The following MACROD2 variants were observed in gnomAD, a reference collection of about 807,000 sequenced individuals.
The protein encoded by MACROD2 is mono-ADP ribosylhydrolase 2.
A neutral mutation model predicts 70.4 loss-of-function variants in MACROD2; 36 were observed. The ratio of observed to expected loss-of-function variants is 0.51; its 90% CI spans 0.39 to 0.68. The LOEUF (loss-of-function observed/expected upper bound fraction) is 0.68, where lower values mean the gene tolerates loss of function less well. MACROD2 is among the 30% of genes least tolerant of loss of function. The pLI, the probability that MACROD2 is intolerant of heterozygous loss-of-function variation, is 0.00. For missense variants in MACROD2, 496 were observed against 538.4 expected (o/e 0.92, Z 0.78); for synonymous variants, 172 against 178.8 (o/e 0.96, Z 0.30).
intron 3 of MACROD2, among the ~76,000 whole-genome samples, chr20:14,246,355 T>C (rs147489755): frequency 3.5e-4 from 54 of 152,274 alleles, no homozygotes; most frequent in African/African-American, 1.3e-3. Context: ...GAGTATTAGA[T>C]CAGGATAATA....
At chr20:14,523,258 GCAGA>G (rs1368435402) in intron 4 of MACROD2, 1 of 152,192 alleles carries the variant, frequency 6.6e-6, no homozygotes, top group Non-Finnish European at 1.5e-5. Context: ...CCAATCACCA[GCAGA>G]CAGAGGGGCC....
chr20:15,204,690 A>G (rs753781463), intron 5 of MACROD2, among the ~76,000 whole-genome samples: 19 of 152,280 alleles, frequency 1.2e-4, no homozygotes, highest in Middle Eastern at 3.4e-3. Flanking sequence ...GACTGCCAAG[A>G]CCTTTTTCGC....
Position 15,945,147 on chromosome 20 carries a change from A to G in MACROD2, c.907+7603A>G, listed in dbSNP as rs552632519. Among the ~76,000 whole-genome samples, 15 of 152,340 alleles carry G rather than the reference A, an allele frequency of 9.8e-5. No individual in the cohort carries two copies. In the South Asian group the frequency reaches 3.1e-3, roughly 32 times the overall value. ...AGCACCTACCTAAAAAATATTTAGC[A>G]TTAAAATCATTCAGTCCATTTAAAC... is the stretch of plus-strand genomic sequence containing the variant. On this transcript the variant is annotated intron_variant, in intron 12 of 17. Transcript: ENST00000684519.
intron 5 of MACROD2, among the ~76,000 whole-genome samples, chr20:14,985,767 C>A (rs949540311): frequency 1.9e-5 from 2 of 104,084 alleles, no homozygotes; most frequent in African/African-American, 7.8e-5. Flanking sequence ...TTTTATTATT[C>A]TTATTTTTAT....
intron 3 of MACROD2, among the ~76,000 whole-genome samples, chr20:14,389,044 A>T (rs2083497216): frequency 6.6e-6 from 1 of 151,538 alleles, no homozygotes; most frequent in Non-Finnish European, 1.5e-5. Context: ...TACCCAGCTA[A>T]TTTTTTTGTA....
intron 6 of MACROD2, among the ~76,000 whole-genome samples, chr20:15,244,670 T>G (rs1267442252): frequency 6.6e-6 from 1 of 152,204 alleles, no homozygotes; most frequent in Non-Finnish European, 1.5e-5. Context: ...TTCCAATAGC[T>G]TTTCTCTGCT....
intron 5 of MACROD2, among the ~76,000 whole-genome samples, chr20:14,842,009 G>A (rs2073092323): frequency 6.6e-6 from 1 of 150,820 alleles, no homozygotes; most frequent in South Asian, 2.1e-4. Flanking sequence ...AACTTACAAA[G>A]AAAAGAGGTT....
At position 15,285,494 on chromosome 20, in the gene MACROD2, C is replaced by T. The variant is rs548654462; in HGVS notation, c.540+55433C>T. ...ATCTTGGACACATGCAATTTATATT[C>T]GTATGACAGCAATGTATTTAAATTT... On this transcript the variant is annotated intron_variant, in intron 6 of 17. Coordinates refer to ENST00000684519, the MANE Select transcript of MACROD2 (RefSeq NM_001351661.2). Among the ~76,000 whole-genome samples, 12 of 152,238 alleles carry T rather than the reference C, an allele frequency of 7.9e-5. No homozygotes were observed. The East Asian group carries it at 2.3e-3, about 29-fold the overall frequency.
chr20:15,968,378 T>C (rs553837882), intron 13 of MACROD2, among the ~76,000 whole-genome samples: 3 of 152,100 alleles, frequency 2.0e-5, no homozygotes, highest in Non-Finnish European at 4.4e-5. Context: ...GAGCAATATT[T>C]TCTCAGGAAT....
chr20:15,366,708 C>A (rs1038669089), intron 6 of MACROD2, among the ~76,000 whole-genome samples: 2 of 151,712 alleles, frequency 1.3e-5, no homozygotes, highest in African/African-American at 4.8e-5. Flanking sequence ...TGCCACCATG[C>A]CTGGCTATTT....
chr20:14,934,726 G>A (rs189564738), intron 5 of MACROD2, among the ~76,000 whole-genome samples: 1 of 152,272 alleles, frequency 6.6e-6, no homozygotes, highest in South Asian at 2.1e-4. Context: ...GGTGGAGGTT[G>A]CAGTGACCAA....
chr20:15,669,517 CCTG>C (rs2049949018), intron 8 of MACROD2, among the ~76,000 whole-genome samples: 1 of 152,170 alleles, frequency 6.6e-6, no homozygotes, highest in Non-Finnish European at 1.5e-5. Context: ...CCCCCCAACT[CCTG>C]CTCCCTGATT....
rs16995579 is a variant in MACROD2, at chr20:15,347,392, A to G, written c.541-84013A>G. On this transcript the variant is annotated intron_variant, in intron 6 of 17. Coordinates refer to ENST00000684519, the MANE Select transcript of MACROD2 (RefSeq NM_001351661.2). ...TTGTACTCACTATATAGGCCACTGGATAATCACCAGGTTGGTGCAGGTGTG... is the reference window on the plus strand; with the variant it reads ...TTGTACTCACTATATAGGCCACTGGGTAATCACCAGGTTGGTGCAGGTGTG... 3.4e-3 allele frequency among the ~76,000 whole-genome samples: 521 copies of G among 152,284 alleles called. 3 individuals carry two copies. The highest frequency in any genetic ancestry group is 0.012 in the African/African-American group (503 of 41,570).
At chr20:15,140,037 G>A (rs1259721193) in intron 5 of MACROD2, among the ~76,000 whole-genome samples, 1 of 152,132 alleles carries the variant, frequency 6.6e-6, no homozygotes, top group Non-Finnish European at 1.5e-5. Context: ...GTAACTAGGT[G>A]GGATGGTTGT....
intron 6 of MACROD2, among the ~76,000 whole-genome samples, chr20:15,241,518 A>G (rs2077059293): frequency 6.6e-6 from 1 of 152,180 alleles, no homozygotes; most frequent in Admixed American, 6.5e-5. Flanking sequence ...AATTCTATGA[A>G]ATAGTAATAA....
At chr20:15,854,213 A>G (rs567136600) in intron 8 of MACROD2, among the ~76,000 whole-genome samples, 1 of 152,316 alleles carries the variant, frequency 6.6e-6, no homozygotes, top group East Asian at 1.9e-4. Flanking sequence ...TTGACTAATT[A>G]GGTGGGCTTT....
chr20:15,944,280 T>A (rs906795419), intron 12 of MACROD2, among the ~76,000 whole-genome samples: 3 of 152,122 alleles, frequency 2.0e-5, no homozygotes, highest in Non-Finnish European at 4.4e-5. Context: ...GTGTGTTTAT[T>A]ACACAAAAAA....
At chr20:14,621,453 G>A (rs1002975110) in intron 4 of MACROD2, among the ~76,000 whole-genome samples, 2 of 152,054 alleles carry the variant, frequency 1.3e-5, no homozygotes, top group Admixed American at 6.6e-5. Context: ...TTAAAAAATG[G>A]AAATTGCTCT....
intron 6 of MACROD2, among the ~76,000 whole-genome samples, chr20:15,230,697 A>C (rs539006034): frequency 6.6e-6 from 1 of 152,162 alleles, no homozygotes; most frequent in African/African-American, 2.4e-5. Flanking sequence ...GATCTAATCT[A>C]TTTCCTTACC....
Sources: gnomAD v4.1 joint callset for allele counts (sites outside exome capture counted in the v4.1 genomes callset) on GRCh38, gnomAD v4.1.1 for gene constraint, MANE v1.5 for transcripts, NCBI Gene and HGNC (gene_info 2026-07-23, HGNC 2026-07-21) for gene names.